Variants in RNF212B observed in about 807,000 individuals in gnomAD.
RNF212B encodes the protein E3 ubiquitin-protein ligase RNF212B.
A neutral mutation model predicts 55.5 loss-of-function variants in RNF212B; 52 were observed. The ratio of observed to expected loss-of-function variants is 0.94; its 90% CI spans 0.75 to 1.18. The LOEUF (loss-of-function observed/expected upper bound fraction) is 1.18, where lower values mean the gene tolerates loss of function less well. Ranked by LOEUF, RNF212B falls within the 50% of genes most tolerant of loss-of-function variation. The pLI, the probability that RNF212B is intolerant of heterozygous loss-of-function variation, is 0.00. For missense variants in RNF212B, 289 were observed against 350.4 expected (o/e 0.82, Z 1.40); for synonymous variants, 99 against 121.4 (o/e 0.82, Z 1.21).
At chr14:23,216,275 A>G (rs1881067152) in intron 2 of RNF212B, among the ~76,000 whole-genome samples, 1 of 152,078 alleles carries the variant, frequency 6.6e-6, no homozygotes, top group Non-Finnish European at 1.5e-5. Flanking sequence ...AAAACAAAAC[A>G]AAATCTATAC....
chr14:23,212,265 C>T (rs973470946), intron 2 of RNF212B, among the ~76,000 whole-genome samples: 1 of 152,134 alleles, frequency 6.6e-6, no homozygotes, highest in Non-Finnish European at 1.5e-5. Flanking sequence ...AACATTATGC[C>T]GATGGCTATG....
At chr14:23,208,143 A>C (rs761777660) in intron 2 of RNF212B, among the ~76,000 whole-genome samples, 1 of 152,140 alleles carries the variant, frequency 6.6e-6, no homozygotes, top group Non-Finnish European at 1.5e-5. Context: ...TTCCTTTCAC[A>C]ATAAGGGCAA....
intron 7 of RNF212B, 79 bp downstream of exon 7, chr14:23,260,766 T>TGA: frequency 1.6e-6 from 2 of 1,252,404 alleles, no homozygotes; most frequent in Non-Finnish European, 2.3e-6. Context: ...GTGTGAACTC[T>TGA]GAGAGAGAGA....
rs1882268967 is a variant in RNF212B, at chr14:23,228,778, C to G, written c.-1-11567C>G. Among the ~76,000 whole-genome samples the G allele has an allele frequency of 4.6e-5, 7 of 152,140 alleles. No individual in the cohort carries two copies. In the South Asian group the frequency reaches 1.4e-3, roughly 31 times the overall value. ...TGACAGTATGGTATTGGCATCAAGA[C>G]AGACAAATCAATCAGTGGAACAGAA... On this transcript the variant is annotated intron_variant, in intron 2 of 15. Transcript: ENST00000399910.
rs961489455 is a variant in RNF212B, at chr14:23,255,259, A to G, written c.229-3290A>G. Among the ~76,000 whole-genome samples, 10 of 152,348 alleles carry G rather than the reference A, an allele frequency of 6.6e-5. No individual in the cohort carries two copies. The East Asian group carries it at 1.9e-3, about 29-fold the overall frequency. ...GAACACTCATTCTGTGTTTTAGAAT[A>G]ATGTGTTCCTCAAGTCTAGGACTGC... On this transcript the variant is annotated intron_variant, in intron 4 of 14. Coordinates refer to ENST00000430154, the MANE Select transcript of RNF212B (RefSeq NM_001282322.3).
At chr14:23,219,897 C>T (rs1046667181) in intron 2 of RNF212B, among the ~76,000 whole-genome samples, 2 of 152,030 alleles carry the variant, frequency 1.3e-5, no homozygotes, top group Non-Finnish European at 2.9e-5. Context: ...AAACACACAA[C>T]AAGGGCCTGG....
intron 4 of RNF212B, 181 bp from the exon 5 acceptor site, chr14:23,258,368 G>T (rs2140468105): frequency 2.9e-6 from 1 of 348,846 alleles, no homozygotes; most frequent in Non-Finnish European, 5.1e-6. Context: ...ACAGTAGAAG[G>T]CTAGTGTCCT....
At chr14:23,200,435 C>T (rs549167716) in intron 2 of RNF212B, among the ~76,000 whole-genome samples, 42 of 152,204 alleles carry the variant, frequency 2.8e-4, no homozygotes, top group African/African-American at 9.4e-4. Context: ...AAGCAATTCT[C>T]ATGCCTCAGC....
chr14:23,266,380 T>G lies in RNF212B; in HGVS notation c.634+1709T>G, dbSNP rs376916417. 6.6e-5 allele frequency among the ~76,000 whole-genome samples: 10 copies of G among 151,460 alleles called. No homozygotes were observed. In the East Asian group the frequency reaches 1.9e-3, roughly 29 times the overall value. On this transcript the variant is annotated intron_variant, in intron 11 of 14. Coordinates refer to ENST00000430154, the MANE Select transcript of RNF212B (RefSeq NM_001282322.3). ...TTCCTACTGTTATTGATTTTGACTTTCAGTGATTTAAATCCTTTTAAATGT... is the reference window on the plus strand; with the variant it reads ...TTCCTACTGTTATTGATTTTGACTTGCAGTGATTTAAATCCTTTTAAATGT...
intron 2 of RNF212B, among the ~76,000 whole-genome samples, chr14:23,232,143 A>C (rs1363851383): frequency 9.3e-5 from 11 of 118,444 alleles, no homozygotes; most frequent in Non-Finnish European, 1.6e-4. Flanking sequence ...CCGGCTGCCC[A>C]CTCTGGGAAG....
chr14:23,268,011 T>G (rs1254783755), intron 11 of RNF212B, among the ~76,000 whole-genome samples: 1 of 152,196 alleles, frequency 6.6e-6, no homozygotes, highest in African/African-American at 2.4e-5. Flanking sequence ...TGTCATGCTT[T>G]TTGGTTAGCC....
chr14:23,262,824 A>T (rs1177360113), intron 8 of RNF212B, 104 bp from the exon 9 acceptor site: 1 of 1,455,298 alleles, frequency 6.9e-7, no homozygotes, highest in African/African-American at 1.4e-5. Context: ...TATGTGTAAT[A>T]TGAAAACATT....
intron 11 of RNF212B, among the ~76,000 whole-genome samples, chr14:23,268,574 TTGA>T: frequency 6.7e-6 from 1 of 148,712 alleles, no homozygotes; most frequent in South Asian, 2.1e-4. Context: ...GCCATTTTTG[TTGA>T]TGTCACTCCT....
chr14:23,206,617 A>G (rs991318740), intron 2 of RNF212B, among the ~76,000 whole-genome samples: 5 of 152,202 alleles, frequency 3.3e-5, no homozygotes, highest in African/African-American at 1.2e-4. Flanking sequence ...AAACCTAGGC[A>G]GTTGTCAGCT....
intron 2 of RNF212B, among the ~76,000 whole-genome samples, chr14:23,208,725 A>G (rs936559910): frequency 6.6e-6 from 1 of 151,364 alleles, no homozygotes; most frequent in Non-Finnish European, 1.5e-5. Flanking sequence ...GCTACTTCAC[A>G]GACAGAGCAG....
intron 2 of RNF212B, among the ~76,000 whole-genome samples, chr14:23,229,625 C>T (rs556406725): frequency 6.6e-6 from 1 of 152,192 alleles, no homozygotes; most frequent in East Asian, 1.9e-4. Context: ...TTTGCATTTC[C>T]CCTATGACTA....
intron 2 of RNF212B, among the ~76,000 whole-genome samples, chr14:23,228,618 C>T (rs1374263626): frequency 1.3e-5 from 2 of 151,826 alleles, no homozygotes; most frequent in Non-Finnish European, 2.9e-5. Context: ...TAACGCAATC[C>T]AGCCTGGGTG....
Position 23,240,429 on chromosome 14 carries a change from A to G in RNF212B, c.84A>G (p.Lys28=). 1 of 1,549,680 alleles carries G rather than the reference A, an allele frequency of 6.5e-7. No homozygotes were observed. Among genetic ancestry groups the G allele is most frequent in the Non-Finnish European group, 8.7e-7 (1 of 1,146,248 alleles). ...FVTSCGHIFC[K]KCVTLEKCAV... ...CCAGCTGTGGCCATATTTTCTGTAA[A>G]AAGTGTGTGACTCTGGGTGAGTGAC... is the stretch of plus-strand genomic sequence containing the variant. Residue 28 remains lysine, a synonymous_variant, in exon 2 of 15, where the codon AAA becomes AAG. Coordinates refer to ENST00000430154, the MANE Select transcript of RNF212B (RefSeq NM_001282322.3).
At chr14:23,254,734 C>A (rs977249854) in intron 4 of RNF212B, among the ~76,000 whole-genome samples, 2 of 152,062 alleles carry the variant, frequency 1.3e-5, no homozygotes, top group African/African-American at 4.8e-5. Context: ...TTACAATAAC[C>A]CACATTGGAC....
Sources: gnomAD v4.1 joint callset for allele counts (sites outside exome capture counted in the v4.1 genomes callset) on GRCh38, gnomAD v4.1.1 for gene constraint, MANE v1.5 for transcripts, NCBI Gene and HGNC (gene_info 2026-07-23, HGNC 2026-07-21) for gene names.